Variants in AKT2 observed in about 807,000 individuals in gnomAD.
The protein encoded by AKT2 is RAC-beta serine/threonine-protein kinase.
In AKT2, 16 loss-of-function variants were observed where a neutral mutation model predicts 58.6. The observed-to-expected ratio is 0.27, with a 90% CI of 0.18 to 0.41. AKT2 has a LOEUF of 0.41. Ranked by LOEUF, AKT2 falls within the 10% of genes least tolerant of loss-of-function variation. The probability of loss-of-function intolerance (pLI) is 1.00; values close to 1 mark genes in which losing one functional copy is unlikely to be tolerated. For synonymous variants in AKT2, 253 were observed against 254.0 expected (o/e 1.00, Z 0.04); for missense variants, 438 against 661.0 (o/e 0.66, Z 3.70).
intron 2 of AKT2, among the ~76,000 whole-genome samples, chr19:40,258,260 A>C (rs561236735): frequency 6.6e-6 from 1 of 151,106 alleles, no homozygotes; most frequent in Non-Finnish European, 1.5e-5. Flanking sequence ...AAAAAAAAAA[A>C]AAACAAAAAA....
intron 2 of AKT2, among the ~76,000 whole-genome samples, chr19:40,264,689 G>T (rs898827403): frequency 1.3e-5 from 2 of 151,988 alleles, no homozygotes; most frequent in African/African-American, 4.8e-5. Flanking sequence ...GACCACTGCC[G>T]TCTCCTCCGG....
rs1021869884 is a variant in AKT2 at position 40,242,445 on chromosome 19, A to G, written c.441+89T>C. On this transcript the variant is annotated intron_variant, in intron 5 of 13. Transcript: ENST00000392038. The surrounding 1 kb of genome is among the most constrained non-coding windows in gnomAD (Gnocchi z 4.3). The stretch of plus-strand genomic sequence containing the variant: ...CTTGTCTCTCAGCTGAGCCCCCTGA[A>G]CTGTGTTATGGAAACCAAGGAGAGC... 11 of 1,580,612 alleles carry G rather than the reference A, an allele frequency of 7.0e-6. No individual in the cohort carries two copies. The Admixed American group carries it at 1.5e-4, about 22-fold the overall frequency.
chr19:40,246,421 G>A (rs747237898), intron 4 of AKT2, among the ~76,000 whole-genome samples: 2 of 152,020 alleles, frequency 1.3e-5, no homozygotes, highest in Non-Finnish European at 2.9e-5. Context: ...GCTGTGCCCA[G>A]CCTTCCATGA....
At chr19:40,262,670 C>A (rs1460939240) in intron 2 of AKT2, among the ~76,000 whole-genome samples, 1 of 152,220 alleles carries the variant, frequency 6.6e-6, no homozygotes, top group Non-Finnish European at 1.5e-5. Flanking sequence ...CTCAGCTCTA[C>A]CCACTCCTTG....
intron 2 of AKT2, among the ~76,000 whole-genome samples, chr19:40,258,245 G>GAAAA (rs56202522): frequency 2.2e-4 from 9 of 41,076 alleles, no homozygotes; most frequent in African/African-American, 4.4e-4. Flanking sequence ...ACTCCGTCTC[G>GAAAA]AAAAAAAAAA....
chr19:40,266,587 C>T (rs1204721336), intron 1 of AKT2, among the ~76,000 whole-genome samples: 3 of 152,270 alleles, frequency 2.0e-5, no homozygotes, highest in Middle Eastern at 3.4e-3. Context: ...CTCCCCTTGC[C>T]AGCAACATGC....
chr19:40,260,742 G>A (rs1457033194), intron 2 of AKT2, among the ~76,000 whole-genome samples: 3 of 144,810 alleles, frequency 2.1e-5, no homozygotes, highest in Non-Finnish European at 3.0e-5. Context: ...TCATCCATAA[G>A]AAGGAACGAC....
intron 1 of AKT2, among the ~76,000 whole-genome samples, chr19:40,275,764 TGGG>T (rs1004974778): frequency 4.2e-4 from 2 of 4,740 alleles, no homozygotes. Flanking sequence ...TTTGGGAGGC[TGGG>T]GGGGGGGGGG....
At chr19:40,240,409 C>T (rs889463525) in intron 6 of AKT2, 16 of 596,740 alleles carry the variant, frequency 2.7e-5, no homozygotes, top group South Asian at 2.0e-4. Context: ...ACAGACATCA[C>T]GAGAGCCCCG....
intron 1 of AKT2, among the ~76,000 whole-genome samples, chr19:40,271,017 A>AACAG (rs1376004685): frequency 6.7e-6 from 1 of 148,910 alleles, no homozygotes; most frequent in African/African-American, 2.6e-5. Flanking sequence ...TGTCTCAAAA[A>AACAG]ACAGACAAAC....
At chr19:40,277,047 A>G (rs931457128) in intron 1 of AKT2, among the ~76,000 whole-genome samples, 4 of 152,144 alleles carry the variant, frequency 2.6e-5, no homozygotes, top group African/African-American at 9.7e-5. Context: ...AAATTTAAAA[A>G]GATGATTTTT....
chr19:40,265,687 C>T (rs1600086896), intron 1 of AKT2: 3 of 328,852 alleles, frequency 9.1e-6, no homozygotes, highest in Non-Finnish European at 1.8e-5. Context: ...CTGCCCTCCC[C>T]GTGTCATTCC....
chr19:40,279,576 G>A (rs904271951), intron 1 of AKT2: 4 of 152,070 alleles, frequency 2.6e-5, no homozygotes, highest in Non-Finnish European at 4.4e-5. Context: ...AACCCATCCC[G>A]GGGGCCTTCT....
At position 40,233,198 on chromosome 19, in the gene AKT2, T is replaced by G. The variant is rs1973805087; in HGVS notation, c.*674A>C. On this transcript the variant is annotated 3_prime_UTR_variant, in exon 14 of 14. Coordinates refer to ENST00000392038, the MANE Select transcript of AKT2 (RefSeq NM_001626.6). This position sits in a 1 kb window ranked among gnomAD's most constrained non-coding sequence, Gnocchi z 4.3. ...CATCCATAGGGTGAGGACAGTTTGG[T>G]GGGGAGGAGGCCGGACCAGGAGGCG... 1.1e-5 allele frequency: 3 copies of G among 264,608 alleles called. No individual in the cohort carries two copies. In the South Asian group the frequency reaches 3.2e-4, roughly 28 times the overall value. 16.4% of individuals were successfully genotyped at this position (264,608 alleles called of 1,614,324 possible).
rs148795214 is a variant in AKT2 at position 40,235,026 on chromosome 19, G to C, written c.1366+19C>G. 6.2e-7 allele frequency: 1 copy of C among 1,608,624 alleles called. No homozygotes were observed. The highest frequency in any genetic ancestry group is 1.7e-5 in the Admixed American group (1 of 59,990). On this transcript the variant is annotated intron_variant, in intron 13 of 13. Coordinates refer to ENST00000392038, the MANE Select transcript of AKT2 (RefSeq NM_001626.6). The surrounding 1 kb of genome is among the most constrained non-coding windows in gnomAD (Gnocchi z 6.3). ...ACCCCTGGGGCAGGCACACCAGCGCGGGGGCCCCAGGCACTCACAGCGGTC... is the reference window on the plus strand; with the variant it reads ...ACCCCTGGGGCAGGCACACCAGCGCCGGGGCCCCAGGCACTCACAGCGGTC...
At chr19:40,255,743 G>A (rs1345882184) in intron 3 of AKT2, among the ~76,000 whole-genome samples, 1 of 152,236 alleles carries the variant, frequency 6.6e-6, no homozygotes, top group Non-Finnish European at 1.5e-5. Flanking sequence ...GGAGAGGTGG[G>A]CTGGGGCCAG....
At chr19:40,284,661 G>C (rs1161361543) in intron 1 of AKT2, 3 of 152,222 alleles carry the variant, frequency 2.0e-5, no homozygotes. Flanking sequence ...AAACATCACA[G>C]TCCTCTGATT....
chr19:40,272,911 C>T (rs1190196131), intron 1 of AKT2, among the ~76,000 whole-genome samples: 1 of 152,202 alleles, frequency 6.6e-6, no homozygotes, highest in Non-Finnish European at 1.5e-5. Context: ...CCTTTCTTCA[C>T]CTCTGTTTCC....
intron 1 of AKT2, among the ~76,000 whole-genome samples, chr19:40,284,277 C>T: frequency 6.6e-6 from 1 of 152,228 alleles, no homozygotes; most frequent in South Asian, 2.1e-4. Flanking sequence ...GGGCACGGCT[C>T]CTCAAATCCA....
Sources: allele counts gnomAD v4.1 joint callset (sites outside exome capture counted in the v4.1 genomes callset), GRCh38; gene constraint gnomAD v4.1.1; non-coding constraint Gnocchi (gnomAD v3.1); transcripts MANE v1.5; gene names NCBI Gene and HGNC (gene_info 2026-07-23, HGNC 2026-07-21).